CNKSR2: variants seen among roughly 807,000 people sequenced by gnomAD.
CNKSR2 encodes the protein connector enhancer of kinase suppressor of Ras 2, also known as CNK homolog protein 2.
A neutral mutation model predicts 84.4 loss-of-function variants in CNKSR2; 14 were observed. The observed-to-expected ratio is 0.17, with a 90% confidence interval of 0.11 to 0.26. The LOEUF (loss-of-function observed/expected upper bound fraction) is 0.26. CNKSR2 is among the 10% of genes least tolerant of loss of function. CNKSR2 has a pLI of 1.00. For missense variants in CNKSR2, 485 were observed against 771.2 expected (o/e 0.63, Z 4.40); for synonymous variants, 275 against 277.9 (o/e 0.99, Z 0.10).
intron 4 of CNKSR2, among the ~76,000 whole-genome samples, chrX:21,464,443 T>C (rs2091101117): frequency 8.9e-6 from 1 of 112,016 alleles, no homozygotes; most frequent in Non-Finnish European, 1.9e-5. Flanking sequence ...ACCTGATTTT[T>C]GGTTCTTATG....
At chrX:21,473,991 C>T (rs1175641007) in intron 5 of CNKSR2, among the ~76,000 whole-genome samples, 1 of 108,948 alleles carries the variant, frequency 9.2e-6, no homozygotes, top group African/African-American at 3.4e-5. Flanking sequence ...CCTCGTGATC[C>T]ACCCACCTCG....
At chrX:21,445,110 CAG>C (rs1192862976) in intron 4 of CNKSR2, among the ~76,000 whole-genome samples, 1 of 111,139 alleles carries the variant, frequency 9.0e-6, no homozygotes, top group Non-Finnish European at 1.9e-5. Context: ...ACTATGTACT[CAG>C]AGTTAGTGTT....
chrX:21,566,775 G>GT (rs1184919979), intron 13 of CNKSR2, among the ~76,000 whole-genome samples: 1 of 111,541 alleles, frequency 9.0e-6, no homozygotes, highest in Non-Finnish European at 1.9e-5. Context: ...CACACCTAGA[G>GT]TATAGTCTTC....
At chrX:21,638,588 T>A (rs1464229499) in intron 20 of CNKSR2, among the ~76,000 whole-genome samples, 1 of 111,633 alleles carries the variant, frequency 9.0e-6, no homozygotes, top group African/African-American at 3.3e-5. Flanking sequence ...CCTAAGCTGG[T>A]GGCCTCACAA....
At chrX:21,604,788 C>A (rs2092506584) in intron 18 of CNKSR2, among the ~76,000 whole-genome samples, 1 of 111,350 alleles carries the variant, frequency 9.0e-6, no homozygotes, top group African/African-American at 3.3e-5. Context: ...CATTTACCTA[C>A]AGGGTGATTT....
intron 1 of CNKSR2, among the ~76,000 whole-genome samples, chrX:21,394,807 A>T (rs1038340787): frequency 1.8e-5 from 2 of 112,033 alleles, no homozygotes; most frequent in Non-Finnish European, 3.8e-5. Context: ...ATTATTATTA[A>T]ACACTGAATC....
At chrX:21,546,085 A>G (rs1029682558) in intron 11 of CNKSR2, among the ~76,000 whole-genome samples, 1 of 110,901 alleles carries the variant, frequency 9.0e-6, no homozygotes, top group Non-Finnish European at 1.9e-5. Context: ...TGACAAGTTG[A>G]CAGAAGTAAG....
chrX:21,468,088 A>G (rs934828354), intron 4 of CNKSR2, among the ~76,000 whole-genome samples: 2 of 110,958 alleles, frequency 1.8e-5, no homozygotes, highest in African/African-American at 6.5e-5. Context: ...TACTTAAAAC[A>G]GCATGAATAC....
At chrX:21,481,268 C>T (rs1224284709) in intron 5 of CNKSR2, among the ~76,000 whole-genome samples, 1 of 111,955 alleles carries the variant, frequency 8.9e-6, no homozygotes, top group African/African-American at 3.2e-5. Context: ...GATTAAACAA[C>T]TTTCCCCAGA....
chrX:21,622,592 A>C (rs2092606536), intron 20 of CNKSR2, among the ~76,000 whole-genome samples: 1 of 112,032 alleles, frequency 8.9e-6, no homozygotes, highest in East Asian at 2.8e-4. Flanking sequence ...CACCACTAGA[A>C]GAAAAAACAA....
chrX:21,387,489 A>AAAAAG, intron 1 of CNKSR2, among the ~76,000 whole-genome samples: 1 of 112,022 alleles, frequency 8.9e-6, no homozygotes, highest in African/African-American at 3.2e-5. Flanking sequence ...CTCCAAAAAG[A>AAAAAG]AAAAGAAAAG....
chrX:21,613,232 A>G (rs898483931), intron 20 of CNKSR2, among the ~76,000 whole-genome samples: 2 of 112,701 alleles, frequency 1.8e-5, no homozygotes, highest in African/African-American at 6.4e-5. Context: ...ATAATCTGCC[A>G]TAACATTAAA....
chrX:21,464,410 A>T (rs1271294591), intron 4 of CNKSR2, among the ~76,000 whole-genome samples: 1 of 111,969 alleles, frequency 8.9e-6, no homozygotes, highest in Non-Finnish European at 1.9e-5. Context: ...ATATGAAGTT[A>T]AAACTAGGTA....
chrX:21,494,076 A>C (rs894463708), intron 6 of CNKSR2: 1 of 111,526 alleles, frequency 9.0e-6, no homozygotes, highest in Admixed American at 9.5e-5. Flanking sequence ...TCCTCTTCCT[A>C]TAACTACTAG....
At chrX:21,414,930 A>C (rs1392282598) in intron 1 of CNKSR2, among the ~76,000 whole-genome samples, 1 of 111,165 alleles carries the variant, frequency 9.0e-6, no homozygotes, top group African/African-American at 3.3e-5. Flanking sequence ...TTATGCCAGC[A>C]CCATGCTGTC....
rs1484080281 is a variant in CNKSR2, at chrX:21,513,943, A to G, written c.811-2542A>G. 3.6e-5 allele frequency among the ~76,000 whole-genome samples: 4 copies of G among 111,927 alleles called. No homozygotes were observed. In the East Asian group the frequency reaches 8.4e-4, roughly 24 times the overall value. ...ATTTTGTTGGTTTATTTGTTTGTTT[A>G]GAAGAGTAACTCATGCTTATTGCCA... is the stretch of plus-strand genomic sequence containing the variant. On this transcript the variant is annotated intron_variant, in intron 8 of 21. Coordinates refer to ENST00000379510, the MANE Select transcript of CNKSR2 (RefSeq NM_014927.5).
At chrX:21,586,483 A>C (rs918404208) in intron 13 of CNKSR2, among the ~76,000 whole-genome samples, 1 of 111,587 alleles carries the variant, frequency 9.0e-6, no homozygotes, top group Non-Finnish European at 1.9e-5. Context: ...AGACAGCAAG[A>C]CGCTTAGTTA....
chrX:21,524,012 C>A, intron 9 of CNKSR2, among the ~76,000 whole-genome samples: 2 of 110,650 alleles, frequency 1.8e-5, no homozygotes, highest in Admixed American at 1.9e-4. Flanking sequence ...TTGTACTTTA[C>A]TAAACTTTAT....
At chrX:21,648,528 G>A (rs1474406310) in intron 20 of CNKSR2, among the ~76,000 whole-genome samples, 2 of 110,605 alleles carry the variant, frequency 1.8e-5, no homozygotes, top group Non-Finnish European at 3.8e-5. Context: ...GATATATATG[G>A]CAATTTGCTA....
Sources: allele counts gnomAD v4.1 joint callset (sites outside exome capture counted in the v4.1 genomes callset), GRCh38; gene constraint gnomAD v4.1.1; transcripts MANE v1.5; gene names NCBI Gene and HGNC (gene_info 2026-07-23, HGNC 2026-07-21).